The following MGAT5 variants were observed in gnomAD, a reference collection of about 807,000 sequenced individuals.
MGAT5 encodes the protein alpha-1,6-mannosylglycoprotein 6-beta-N-acetylglucosaminyltransferase A.
MGAT5 carries 30 observed loss-of-function variants against 94.3 expected under a neutral mutation model. The observed-to-expected ratio is 0.32, with a 90% confidence interval of 0.24 to 0.43. The LOEUF is 0.43. Ranked by LOEUF, MGAT5 falls within the 20% of genes least tolerant of loss-of-function variation. The probability of loss-of-function intolerance (pLI) is 1.00; values close to 1 mark genes in which losing one functional copy is unlikely to be tolerated. For missense variants in MGAT5, 691 were observed against 905.5 expected (o/e 0.76, Z 3.04); for synonymous variants, 310 against 322.9 (o/e 0.96, Z 0.43).
intron 10 of MGAT5, 77 bp downstream of exon 10, chr2:134,362,485 T>C: frequency 6.5e-7 from 1 of 1,549,916 alleles, no homozygotes; most frequent in Non-Finnish European, 8.8e-7. Context: ...ATCCAGGGAA[T>C]AATCAAGCCA....
chr2:134,204,539 G>A (rs925411257), intron 1 of MGAT5, among the ~76,000 whole-genome samples: 3 of 152,112 alleles, frequency 2.0e-5, no homozygotes, highest in Non-Finnish European at 4.4e-5. Context: ...TGGCCAGTTG[G>A]TAGAGGGGAG....
At chr2:134,126,632 T>C (rs553897804) in intron 1 of MGAT5, among the ~76,000 whole-genome samples, 1 of 152,352 alleles carries the variant, frequency 6.6e-6, no homozygotes, top group Non-Finnish European at 1.5e-5. Flanking sequence ...TAAAAAACCT[T>C]GGTCCTTACT....
chr2:134,361,125 G>A (rs1443289973), intron 9 of MGAT5, among the ~76,000 whole-genome samples: 2 of 152,202 alleles, frequency 1.3e-5, no homozygotes, highest in African/African-American at 4.8e-5. Context: ...GGATTTCTAC[G>A]CTGCTACAAG....
intron 1 of MGAT5, among the ~76,000 whole-genome samples, chr2:134,178,602 AAGT>A: frequency 6.6e-6 from 1 of 152,310 alleles, no homozygotes; most frequent in South Asian, 2.1e-4. Context: ...TAAAAGGACA[AAGT>A]ATGCAGAGAA....
At chr2:134,217,163 A>G (rs973914951) in intron 1 of MGAT5, among the ~76,000 whole-genome samples, 8 of 151,940 alleles carry the variant, frequency 5.3e-5, no homozygotes, top group African/African-American at 1.9e-4. Flanking sequence ...TATGATTTTC[A>G]TAACTTACGC....
chr2:134,320,696 T>C (rs1687262684), intron 4 of MGAT5, among the ~76,000 whole-genome samples: 1 of 152,164 alleles, frequency 6.6e-6, no homozygotes, highest in Non-Finnish European at 1.5e-5. Context: ...AACACCTTCA[T>C]TTTTGAGGCT....
chr2:134,396,352 C>A (rs2043871), intron 10 of MGAT5, among the ~76,000 whole-genome samples: 56,574 of 151,866 alleles, frequency 0.37, 10,810 homozygotes, highest in Middle Eastern at 0.65. Flanking sequence ...TACCTCCAAT[C>A]TTGGAATAAA....
chr2:134,450,816 GT>G lies in MGAT5; in HGVS notation c.*1970del. On this transcript the variant is annotated 3_prime_UTR_variant, in exon 16 of 16. Transcript: ENST00000281923. ...TGTGTGTGTGTGTGTGTGTGTGTGT[GT>G]GTGTGTGTGTGTGTATGAGCCTGTG... is the stretch of plus-strand genomic sequence containing the variant. 1 of 142,564 alleles carries G rather than the reference GT, an allele frequency of 7.0e-6. No homozygotes were observed. The highest frequency in any genetic ancestry group is 2.1e-4 in the East Asian group (1 of 4,750). 8.8% of individuals were successfully genotyped at this position (142,564 alleles called of 1,614,324 possible).
chr2:134,449,115 A>C lies in MGAT5; in HGVS notation c.*268A>C. ...TGTTTCTCAAGGAGCAACTGTGGGA[A>C]GACTGTCACTGCAGCTGCTCCAGGG... On this transcript the variant is annotated 3_prime_UTR_variant, in exon 16 of 16. Transcript: ENST00000281923. The C allele has an allele frequency of 2.0e-6, 1 of 502,268 alleles. No individual in the cohort carries two copies. The highest frequency in any genetic ancestry group is 5.3e-4 in the Middle Eastern group (1 of 1,880). The allele number at this position is 502,268 out of a possible 1,614,324, so 31.1% of individuals were successfully genotyped here.
intron 1 of MGAT5, among the ~76,000 whole-genome samples, chr2:134,213,865 T>C (rs976465974): frequency 7.9e-5 from 12 of 152,166 alleles, no homozygotes; most frequent in African/African-American, 2.9e-4. Flanking sequence ...AACCTGGAAG[T>C]TCCCTGAACC....
At chr2:134,217,987 G>T (rs962900920) in intron 1 of MGAT5, among the ~76,000 whole-genome samples, 7 of 152,196 alleles carry the variant, frequency 4.6e-5, no homozygotes, top group African/African-American at 1.7e-4. Context: ...TAAGACAGGT[G>T]ATTAATAAAC....
intron 2 of MGAT5, among the ~76,000 whole-genome samples, chr2:134,302,561 T>G (rs1475415167): frequency 1.3e-5 from 2 of 152,100 alleles, no homozygotes; most frequent in Non-Finnish European, 2.9e-5. Context: ...ACCTAGAGCT[T>G]CTTTTATTAT....
At chr2:134,140,552 C>T (rs1231093218) in intron 1 of MGAT5, among the ~76,000 whole-genome samples, 1 of 152,154 alleles carries the variant, frequency 6.6e-6, no homozygotes, top group Admixed American at 6.5e-5. Context: ...GTAGGGCTTA[C>T]CAGTGTGACT....
At chr2:134,132,414 A>G (rs1015755532) in intron 1 of MGAT5, among the ~76,000 whole-genome samples, 2 of 152,252 alleles carry the variant, frequency 1.3e-5, no homozygotes, top group Admixed American at 1.3e-4. Context: ...CAGTAAGAAA[A>G]GTTTCATAAA....
At chr2:134,442,129 G>T (rs982984274) in intron 15 of MGAT5, among the ~76,000 whole-genome samples, 1 of 152,202 alleles carries the variant, frequency 6.6e-6, no homozygotes, top group African/African-American at 2.4e-5. Context: ...CTGGCATGAT[G>T]ATGTGTTTAG....
chr2:134,228,479 A>G (rs915586376), intron 1 of MGAT5, among the ~76,000 whole-genome samples: 2 of 152,356 alleles, frequency 1.3e-5, no homozygotes, highest in South Asian at 2.1e-4. Flanking sequence ...TTTTGACTCT[A>G]GTACAAATGC....
At chr2:134,388,170 TTGAG>T (rs1370372970) in intron 10 of MGAT5, among the ~76,000 whole-genome samples, 1 of 152,198 alleles carries the variant, frequency 6.6e-6, no homozygotes, top group Admixed American at 6.5e-5. Flanking sequence ...TCTCTCCACT[TTGAG>T]TATTTGAAAG....
intron 1 of MGAT5, among the ~76,000 whole-genome samples, chr2:134,255,099 C>T (rs560962671): frequency 1.3e-5 from 2 of 152,134 alleles, no homozygotes; most frequent in African/African-American, 4.8e-5. Context: ...CTCCCTCCAG[C>T]CAATAAATAT....
At chr2:134,265,811 A>G (rs1274656159) in intron 1 of MGAT5, among the ~76,000 whole-genome samples, 1 of 152,176 alleles carries the variant, frequency 6.6e-6, no homozygotes, top group Non-Finnish European at 1.5e-5. Context: ...ATATTTTTCT[A>G]TTTTTATTAA....
Sources: gnomAD v4.1 joint callset for allele counts (sites outside exome capture counted in the v4.1 genomes callset) on GRCh38, gnomAD v4.1.1 for gene constraint, MANE v1.5 for transcripts, NCBI Gene and HGNC (gene_info 2026-07-23, HGNC 2026-07-21) for gene names.